Variants in MYO3B observed in about 807,000 individuals in gnomAD.
MYO3B encodes the protein myosin IIIB, also known as myosin-IIIb.
A neutral mutation model predicts 174.6 loss-of-function variants in MYO3B; 156 were observed. The observed-to-expected ratio is 0.89, with a 90% CI of 0.78 to 1.02. The LOEUF is 1.02. Among genes scored for constraint, MYO3B ranks in the 50% least tolerant of loss-of-function variants. The probability of loss-of-function intolerance (pLI) is 0.00; values close to 1 mark genes in which losing one functional copy is unlikely to be tolerated. For synonymous variants in MYO3B, 563 were observed against 569.1 expected (o/e 0.99, Z 0.15); for missense variants, 1,632 against 1,639.4 (o/e 1.00, Z 0.08).
intron 25 of MYO3B, among the ~76,000 whole-genome samples, chr2:170,480,266 A>G (rs1434796305): frequency 6.6e-6 from 1 of 152,122 alleles, no homozygotes; most frequent in Non-Finnish European, 1.5e-5. Flanking sequence ...GTGGGTCATA[A>G]GACCCTCCCC....
At chr2:170,558,163 T>C (rs1472817550) in intron 32 of MYO3B, among the ~76,000 whole-genome samples, 1 of 151,964 alleles carries the variant, frequency 6.6e-6, no homozygotes. Context: ...TAGCCGAGCA[T>C]GGTGGCGGGC....
intron 7 of MYO3B, among the ~76,000 whole-genome samples, chr2:170,265,484 C>T (rs1232203806): frequency 6.6e-6 from 1 of 152,170 alleles, no homozygotes; most frequent in Non-Finnish European, 1.5e-5. Flanking sequence ...TACCCAATTC[C>T]CATGCCAAGA....
In MYO3B at chr2:170,236,150, T is replaced by A; in HGVS notation, c.749+14T>A. On this transcript the variant is annotated intron_variant, in intron 7 of 34. Transcript: ENST00000408978. ...TAAGATTCCAAGGTAAGACACAAGA[T>A]GGCGCTCTTGACTCATTAGTTCTTT... 6.2e-7 allele frequency: 1 copy of A among 1,614,092 alleles called. No homozygotes were observed. The highest frequency in any genetic ancestry group is 8.5e-7 in the Non-Finnish European group (1 of 1,179,988).
rs1434063147 is a variant in MYO3B, at chr2:170,407,597, G to GCTCTGGATATGAAAA, written c.2521-116_2521-115insCTGGATATGAAAACT. On this transcript the variant is annotated intron_variant, in intron 21 of 34. Coordinates refer to ENST00000408978, the MANE Select transcript of MYO3B (RefSeq NM_138995.5). ...TTTATCTGGTGCTCTGGATATGAAAGCTATGTAAAGATGAGTTCTATATAG... is the reference window on the plus strand; with the variant it reads ...TTTATCTGGTGCTCTGGATATGAAAGCTCTGGATATGAAAACTATGTAAAGATGAGTTCTATATAG... 7.9e-5 allele frequency: 86 copies of GCTCTGGATATGAAAA among 1,095,344 alleles called. 1 individual carries two copies. In the African/African-American group the frequency reaches 1.3e-3, roughly 17 times the overall value. 67.9% of individuals were successfully genotyped at this position (1,095,344 alleles called of 1,614,324 possible).
intron 7 of MYO3B, among the ~76,000 whole-genome samples, chr2:170,262,475 G>C (rs1384584044): frequency 6.6e-6 from 1 of 152,112 alleles, no homozygotes; most frequent in Non-Finnish European, 1.5e-5. Context: ...GATGAGTTGG[G>C]GAAAATAGGA....
At chr2:170,403,058 A>G (rs763691026) in intron 19 of MYO3B, 63 bp downstream of exon 19, 60 of 1,490,888 alleles carry the variant, frequency 4.0e-5, no homozygotes, top group Non-Finnish European at 5.3e-5. Context: ...GCTGCCCACA[A>G]TTTGTAGCAG....
chr2:170,573,153 C>CTACATA (rs1692550984), intron 32 of MYO3B, among the ~76,000 whole-genome samples: 1 of 147,874 alleles, frequency 6.8e-6, no homozygotes, highest in African/African-American at 2.5e-5. Context: ...CTAGGGGATA[C>CTACATA]TATATATATA....
At chr2:170,471,419 A>G (rs1017378223) in intron 25 of MYO3B, among the ~76,000 whole-genome samples, 2 of 151,996 alleles carry the variant, frequency 1.3e-5, no homozygotes, top group Admixed American at 1.3e-4. Flanking sequence ...CAATTTATGT[A>G]TGTTTTCTTT....
At chr2:170,559,154 A>C (rs1221742190) in intron 32 of MYO3B, among the ~76,000 whole-genome samples, 3 of 152,112 alleles carry the variant, frequency 2.0e-5, no homozygotes, top group Admixed American at 2.0e-4. Context: ...TAGTTGGCCA[A>C]CCCAGAGCTA....
At chr2:170,404,009 A>G (rs1433842530) in intron 19 of MYO3B, among the ~76,000 whole-genome samples, 1 of 152,200 alleles carries the variant, frequency 6.6e-6, no homozygotes, top group Non-Finnish European at 1.5e-5. Context: ...TACCAAGTCC[A>G]CATTTGAGAG....
At chr2:170,488,814 G>A (rs1208781159) in intron 25 of MYO3B, among the ~76,000 whole-genome samples, 1 of 152,190 alleles carries the variant, frequency 6.6e-6, no homozygotes, top group Non-Finnish European at 1.5e-5. Flanking sequence ...GATAACTCAG[G>A]AAGTTATTTT....
chr2:170,545,579 A>G (rs754851858), intron 32 of MYO3B, among the ~76,000 whole-genome samples: 11 of 152,256 alleles, frequency 7.2e-5, no homozygotes, highest in Admixed American at 2.0e-4. Context: ...TGCATTTTGA[A>G]TTAATATTTA....
At chr2:170,368,915 C>A (rs190293309) in intron 8 of MYO3B, among the ~76,000 whole-genome samples, 3 of 152,174 alleles carry the variant, frequency 2.0e-5, no homozygotes, top group East Asian at 3.9e-4. Flanking sequence ...AATGAAAATG[C>A]GGATAGAAAA....
intron 32 of MYO3B, among the ~76,000 whole-genome samples, chr2:170,620,609 G>A (rs970713585): frequency 6.6e-6 from 1 of 152,196 alleles, no homozygotes; most frequent in African/African-American, 2.4e-5. Context: ...AAGACAGTAG[G>A]CAGCATGAGC....
At chr2:170,401,995 C>T (rs17607480) in intron 18 of MYO3B, among the ~76,000 whole-genome samples, 14,232 of 152,054 alleles carry the variant, frequency 0.094, 848 homozygotes, top group East Asian at 0.27. Context: ...TTAGAAGACA[C>T]AGTGAGATCC....
chr2:170,459,914 T>C (rs1187608276), intron 23 of MYO3B, among the ~76,000 whole-genome samples: 1 of 152,076 alleles, frequency 6.6e-6, no homozygotes, highest in Non-Finnish European at 1.5e-5. Context: ...GGCCAGCCGC[T>C]TCCAGTGCAG....
chr2:170,292,961 C>A (rs2105422769), intron 7 of MYO3B, among the ~76,000 whole-genome samples: 1 of 152,258 alleles, frequency 6.6e-6, no homozygotes, highest in African/African-American at 2.4e-5. Context: ...GATTTACCAC[C>A]TCAATCTCAC....
intron 32 of MYO3B, among the ~76,000 whole-genome samples, chr2:170,596,397 C>A (rs924681446): frequency 2.6e-5 from 4 of 152,200 alleles, no homozygotes; most frequent in African/African-American, 9.7e-5. Flanking sequence ...TTGACTGTTA[C>A]CATTTCCAGC....
At chr2:170,458,452 A>C (rs1050158572) in intron 23 of MYO3B, among the ~76,000 whole-genome samples, 4 of 152,192 alleles carry the variant, frequency 2.6e-5, no homozygotes, top group African/African-American at 9.7e-5. Flanking sequence ...TTTTATCCTA[A>C]GGTAAAGAAC....
Sources: gnomAD v4.1 joint callset for allele counts (sites outside exome capture counted in the v4.1 genomes callset) on GRCh38, gnomAD v4.1.1 for gene constraint, MANE v1.5 for transcripts, NCBI Gene and HGNC (gene_info 2026-07-23, HGNC 2026-07-21) for gene names.